Variants in PLB1 observed in about 807,000 individuals in gnomAD.
The protein encoded by PLB1 is phospholipase B1, membrane-associated.
In PLB1, 242 loss-of-function variants were observed where a neutral mutation model predicts 227.4. The observed-to-expected ratio is 1.06, with a 90% CI of 0.96 to 1.18. The LOEUF (loss-of-function observed/expected upper bound fraction) is 1.18. PLB1 is among the 50% of genes most tolerant of loss of function. PLB1 has a pLI of 0.00. For missense variants in PLB1, 1,858 were observed against 1,816.3 expected (o/e 1.02, Z -0.42); for synonymous variants, 757 against 682.2 (o/e 1.11, Z -1.71).
chr2:28,522,348 T>G (rs1669632752), intron 4 of PLB1, among the ~76,000 whole-genome samples: 1 of 152,074 alleles, frequency 6.6e-6, no homozygotes, highest in Non-Finnish European at 1.5e-5. Context: ...CATTCTCTCT[T>G]ATCGATGCTG....
In PLB1 at chr2:28,591,186, CCTCCTCTTGA is replaced by C; in HGVS notation, c.2127+19_2127+28del. 6.2e-7 allele frequency: 1 copy of C among 1,614,094 alleles called. No homozygotes were observed. The highest frequency in any genetic ancestry group is 2.2e-5 in the East Asian group (1 of 44,884). ...ACAGCATGCAGGTACCTGCCTCTTG[CCTCCTCTTGA>C]CTCACCAGGCAATGCAATGGGCAAC... On this transcript the variant is annotated intron_variant, in intron 30 of 57. Coordinates refer to ENST00000327757, the MANE Select transcript of PLB1 (RefSeq NM_153021.5).
At position 28,600,964 on chromosome 2, in the gene PLB1, T is replaced by C; in HGVS notation, c.2526+104T>C. 3 of 1,067,356 alleles carry C rather than the reference T, an allele frequency of 2.8e-6. No homozygotes were observed. The South Asian group carries it at 4.1e-5, about 15-fold the overall frequency. 66.1% of individuals were successfully genotyped at this position (1,067,356 alleles called of 1,614,324 possible). A position where few individuals can be genotyped will look rare whatever the true frequency, so the allele number is the denominator to read the frequency against. On this transcript the variant is annotated intron_variant, in intron 36 of 57. Coordinates refer to ENST00000327757, the MANE Select transcript of PLB1 (RefSeq NM_153021.5). Reference sequence around the variant, plus strand: ...TGAAAAGCAGTGAGCCCCATGTTATTAGAGGCATTCAAGCAGTGGTCGGAC... The same window carrying C: ...TGAAAAGCAGTGAGCCCCATGTTATCAGAGGCATTCAAGCAGTGGTCGGAC...
intron 18 of PLB1, among the ~76,000 whole-genome samples, chr2:28,563,381 C>G (rs1676354278): frequency 6.6e-6 from 1 of 152,020 alleles, no homozygotes; most frequent in South Asian, 2.1e-4. Flanking sequence ...GTGTGGGTGA[C>G]AGGAGTGACC....
intron 32 of PLB1, among the ~76,000 whole-genome samples, chr2:28,592,996 T>C (rs1682245194): frequency 6.6e-6 from 1 of 152,224 alleles, no homozygotes; most frequent in Admixed American, 6.5e-5. Flanking sequence ...AATATGTCAT[T>C]CTGACTCAAA....
At chr2:28,541,589 A>G in intron 12 of PLB1, 118 bp from the exon 13 acceptor site, 1 of 697,238 alleles carries the variant, frequency 1.4e-6, no homozygotes, top group Non-Finnish European at 2.4e-6. Context: ...ATAGCACTTG[A>G]CCACAACGCA....
chr2:28,592,955 C>A (rs1343920377), intron 32 of PLB1, among the ~76,000 whole-genome samples: 1 of 152,180 alleles, frequency 6.6e-6, no homozygotes, highest in Non-Finnish European at 1.5e-5. Context: ...AGATTTTGAA[C>A]ACCCAATAAC....
chr2:28,602,458 C>T (rs1031952158), intron 38 of PLB1, among the ~76,000 whole-genome samples: 6 of 152,222 alleles, frequency 3.9e-5, no homozygotes, highest in Middle Eastern at 3.2e-3. Context: ...GTTGAGTCTG[C>T]GTGCCTACTC....
rs777725862 is a variant in PLB1 at position 28,632,134 on chromosome 2, G to A, written c.3996G>A (p.Leu1332=). 9.3e-6 allele frequency: 15 copies of A among 1,612,168 alleles called. No homozygotes were observed. In the South Asian group the frequency reaches 1.6e-4, roughly 18 times the overall value. ...TCTTCCAAAACACACTCACCCCACTGAACGAGGTGAGCTGCAGGTATTTTA... is the reference window on the plus strand; with the variant it reads ...TCTTCCAAAACACACTCACCCCACTAAACGAGGTGAGCTGCAGGTATTTTA... ...QPFFQNTLTP[L]NERGDTDLTF... The change falls in exon 55 of 58, where the codon CTG becomes CTA. Residue 1332 remains leucine, a synonymous_variant. Coordinates refer to ENST00000327757, the MANE Select transcript of PLB1 (RefSeq NM_153021.5).
At chr2:28,599,703 G>A (rs1683561016) in intron 35 of PLB1, among the ~76,000 whole-genome samples, 2 of 152,190 alleles carry the variant, frequency 1.3e-5, no homozygotes, top group East Asian at 1.9e-4. Context: ...GGTAACCTCC[G>A]CCTCCCAGGT....
intron 14 of PLB1, among the ~76,000 whole-genome samples, chr2:28,546,168 C>T (rs549578234): frequency 6.6e-6 from 1 of 152,180 alleles, no homozygotes; most frequent in Non-Finnish European, 1.5e-5. Context: ...GGTGCCAAGC[C>T]GAGGAGGATT....
chr2:28,508,575 G>C (rs949264254), intron 1 of PLB1, among the ~76,000 whole-genome samples: 18 of 152,174 alleles, frequency 1.2e-4, no homozygotes, highest in African/African-American at 3.4e-4. Context: ...AGGTCACATA[G>C]GGTGACAGCT....
chr2:28,589,317 T>C, intron 26 of PLB1, 133 bp from the exon 27 acceptor site: 1 of 671,926 alleles, frequency 1.5e-6, no homozygotes. Context: ...AAATCTCAGT[T>C]GAGATTTTGC....
intron 2 of PLB1, among the ~76,000 whole-genome samples, chr2:28,517,896 A>G (rs1669038874): frequency 7.1e-6 from 1 of 140,108 alleles, no homozygotes; most frequent in Admixed American, 7.3e-5. Flanking sequence ...TTTGAGACAG[A>G]GTCTTGCTGT....
At chr2:28,583,662 C>T (rs915605236) in intron 25 of PLB1, among the ~76,000 whole-genome samples, 2 of 152,126 alleles carry the variant, frequency 1.3e-5, no homozygotes, top group Non-Finnish European at 2.9e-5. Flanking sequence ...CCAGATCCTG[C>T]GGCTCAAGCA....
At position 28,626,463 on chromosome 2, in the gene PLB1, A is replaced by G; in HGVS notation, c.3615A>G (p.Thr1205=). The G allele has an allele frequency of 6.2e-7, 1 of 1,613,958 alleles. No homozygotes were observed. Among genetic ancestry groups the G allele is most frequent in the South Asian group, 1.1e-5 (1 of 91,080 alleles). The stretch of plus-strand genomic sequence containing the variant: ...TGGAGAAAGACTGGAAGCTGGTCAC[A>G]CTCTTCATTGGGGTCAACGACTTGT... ...INLEKDWKLV[T]LFIGVNDLCH... The change falls in exon 51 of 58, where the codon ACA becomes ACG. Residue 1205 remains threonine (T), a synonymous_variant. Transcript: ENST00000327757.
At chr2:28,558,350 C>G (rs1486235296) in intron 17 of PLB1, among the ~76,000 whole-genome samples, 1 of 152,186 alleles carries the variant, frequency 6.6e-6, no homozygotes, top group East Asian at 1.9e-4. Flanking sequence ...CTAGTGTTCA[C>G]AGGATTCACT....
In PLB1 at chr2:28,578,115, C is replaced by A. The variant is rs766508073; in HGVS notation, c.1442C>A (p.Pro481His). 4 of 1,614,020 alleles carry A rather than the reference C, an allele frequency of 2.5e-6. No individual in the cohort carries two copies. The African/African-American group carries it at 5.3e-5, about 22-fold the overall frequency. Reference protein sequence around the residue: ...AVAGGRAEDLPVQARRLVDLM... With the variant: ...AVAGGRAEDLHVQARRLVDLM... The stretch of plus-strand genomic sequence containing the variant: ...CTGGTATGTTTCCACAGGGATCTAC[C>A]TGTCCAGGCCAGGAGGCTGGTGGAC... Residue 481 changes from proline to histidine, a missense_variant, in exon 22 of 58, where the codon CCT (proline) becomes CAT (histidine). By Grantham distance (77) the Pro-to-His change is moderately conservative. Coordinates refer to ENST00000327757, the MANE Select transcript of PLB1 (RefSeq NM_153021.5).
At chr2:28,607,642 T>A (rs1244835971) in intron 43 of PLB1, among the ~76,000 whole-genome samples, 1 of 152,118 alleles carries the variant, frequency 6.6e-6, no homozygotes, top group African/African-American at 2.4e-5. Context: ...GGTCAGGTGC[T>A]GGCCAAAGGC....
intron 4 of PLB1, among the ~76,000 whole-genome samples, chr2:28,520,715 G>A (rs1399900238): frequency 1.3e-5 from 2 of 152,158 alleles, no homozygotes; most frequent in African/African-American, 4.8e-5. Context: ...GCTCACACCT[G>A]TAATCCCAGC....
Sources: allele counts gnomAD v4.1 joint callset (sites outside exome capture counted in the v4.1 genomes callset), GRCh38; gene constraint gnomAD v4.1.1; transcripts MANE v1.5; gene names NCBI Gene and HGNC (gene_info 2026-07-23, HGNC 2026-07-21).